Variants in HMGA1 observed in about 807,000 individuals in gnomAD.
HMGA1 encodes the protein high mobility group AT-hook 1, also known as high mobility group protein HMG-I/HMG-Y.
HMGA1 carries 1 observed loss-of-function variant against 15.1 expected under a neutral mutation model. The observed-to-expected ratio is 0.07, with a 90% CI of 0.02 to 0.31. HMGA1 has a LOEUF of 0.31. HMGA1 is among the 10% of genes least tolerant of loss of function. The pLI, the probability that HMGA1 is intolerant of heterozygous loss-of-function variation, is 1.00. For synonymous variants in HMGA1, 56 were observed against 54.8 expected (o/e 1.02, Z -0.10); for missense variants, 94 against 141.4 (o/e 0.66, Z 1.70).
In HMGA1 at chr6:34,240,852, G is replaced by T. The variant is rs1298246075; in HGVS notation, c.72G>T (p.Arg24=). 5 of 1,613,538 alleles carry T rather than the reference G, an allele frequency of 3.1e-6. No homozygotes were observed. The highest frequency in any genetic ancestry group is 4.2e-6 in the Non-Finnish European group (5 of 1,179,872). The change falls in exon 3 of 6, where the codon CGG becomes CGT. Residue 24 remains arginine (R), a synonymous_variant. Transcript: ENST00000311487. The stretch of plus-strand genomic sequence containing the variant: ...AGGAAAAGGACGGCACTGAGAAGCG[G>T]GGCCGGGGCAGGCCGCGCAAGCAGC... ...SKQEKDGTEK[R]GRGRPRKQPP...
rs866916508 is a variant in HMGA1, at chr6:34,243,517, T to G, written c.269T>G (p.Leu90Arg). 1.9e-6 allele frequency: 3 copies of G among 1,613,258 alleles called. No individual in the cohort carries two copies. Among genetic ancestry groups the G allele is most frequent in the Middle Eastern group, 3.3e-4 (2 of 6,060 alleles). The change falls in exon 5 of 6, where the codon CTG becomes CGG. Residue 90 changes from leucine (L) to arginine (R), a missense_variant and splice_region_variant. Coordinates refer to ENST00000311487, the MANE Select transcript of HMGA1 (RefSeq NM_145899.3). ...AAACCAAGGGGCAGACCCAAAAAAC[T>G]GGTAGGTGAAGAAGCAGACTGCTGC... ...GRKPRGRPKK[L>R]EKEEEEGISQ...
In HMGA1 at chr6:34,245,805, C is replaced by G. The variant is rs1485373965; in HGVS notation, c.*921C>G. Reference sequence around the variant, plus strand: ...CAACCCCCCTCCTGCTCCTCCCTGCCCCCCAAGGTTCTGGTTCCATTTTTC... The same window carrying G: ...CAACCCCCCTCCTGCTCCTCCCTGCGCCCCAAGGTTCTGGTTCCATTTTTC... On this transcript the variant is annotated 3_prime_UTR_variant, in exon 6 of 6. Transcript: ENST00000311487. 2.4e-6 allele frequency: 1 copy of G among 417,326 alleles called. No homozygotes were observed. The highest frequency in any genetic ancestry group is 4.6e-6 in the Non-Finnish European group (1 of 216,076). The allele number at this position is 417,326 out of a possible 1,614,324, so 25.9% of individuals were successfully genotyped here. A position where few individuals can be genotyped will look rare whatever the true frequency, so the allele number is the denominator to read the frequency against.
rs1185929641 is a variant in HMGA1, at chr6:34,245,803, G to GC, written c.*925dup. On this transcript the variant is annotated 3_prime_UTR_variant, in exon 6 of 6. Coordinates refer to ENST00000311487, the MANE Select transcript of HMGA1 (RefSeq NM_145899.3). ...CCCAACCCCCCTCCTGCTCCTCCCT[G>GC]CCCCCCAAGGTTCTGGTTCCATTTT... 2 of 412,106 alleles carry GC rather than the reference G, an allele frequency of 4.9e-6. No individual in the cohort carries two copies. Among genetic ancestry groups the GC allele is most frequent in the Non-Finnish European group, 9.3e-6 (2 of 214,388 alleles). The allele number at this position is 412,106 out of a possible 1,614,324, so 25.5% of individuals were successfully genotyped here.
intron 2 of HMGA1, among the ~76,000 whole-genome samples, chr6:34,237,702 A>AGCCCGAGCCCGG (rs1554142057): frequency 4.1e-5 from 6 of 147,388 alleles, no homozygotes; most frequent in East Asian, 2.1e-4. Context: ...CCCGAGCCCG[A>AGCCCGAGCCCGG]GCCCGGGCCC....
intron 2 of HMGA1, among the ~76,000 whole-genome samples, chr6:34,239,697 T>A (rs76863928): frequency 6.6e-6 from 1 of 151,842 alleles, no homozygotes; most frequent in Non-Finnish European, 1.5e-5. Context: ...AGGACTAGGA[T>A]GAAGATGTGG....
rs1358980143 is a variant in HMGA1 at position 34,240,524 on chromosome 6, GAGAT to G, written c.-44-207_-44-204del. 24 of 495,304 alleles carry G rather than the reference GAGAT, an allele frequency of 4.8e-5. No homozygotes were observed. The Admixed American group carries it at 5.2e-4, about 11-fold the overall frequency. 30.7% of individuals were successfully genotyped at this position (495,304 alleles called of 1,614,324 possible). A position where few individuals can be genotyped will look rare whatever the true frequency, so the allele number is the denominator to read the frequency against. On this transcript the variant is annotated intron_variant, in intron 2 of 5. Transcript: ENST00000311487. ...GACAACAAAGAGCCCTTCTGAACAG[GAGAT>G]AGATAAGAAGCTGATTAGGGCCAAC...
intron 5 of HMGA1, among the ~76,000 whole-genome samples, chr6:34,243,921 G>A (rs947399597): frequency 6.6e-6 from 1 of 152,138 alleles, no homozygotes; most frequent in Non-Finnish European, 1.5e-5. Flanking sequence ...AAACAGCGAA[G>A]GAGCTGGGCC....
intron 2 of HMGA1, among the ~76,000 whole-genome samples, chr6:34,239,477 G>C (rs1762119017): frequency 6.6e-6 from 1 of 152,052 alleles, no homozygotes; most frequent in African/African-American, 2.4e-5. Flanking sequence ...ATTATTTTAA[G>C]TTTTTCTAAA....
chr6:34,237,806 G>A (rs1761926866), intron 2 of HMGA1, among the ~76,000 whole-genome samples: 2 of 151,754 alleles, frequency 1.3e-5, no homozygotes, highest in African/African-American at 2.4e-5. Context: ...GGAAGTGAGG[G>A]AGATGGGGAG....
chr6:34,240,622 C>A, intron 2 of HMGA1, 115 bp from the exon 3 acceptor site: 1 of 849,402 alleles, frequency 1.2e-6, no homozygotes, highest in Non-Finnish European at 1.9e-6. Flanking sequence ...AGTAGGAGGC[C>A]TGGGGGCCCA....
Position 34,245,587 on chromosome 6 carries a change from G to A in HMGA1, c.*703G>A, listed in dbSNP as rs145849177. 3,167 of 1,380,812 alleles carry A rather than the reference G, an allele frequency of 2.3e-3. 132 individuals are homozygous for A. In the East Asian group the frequency reaches 0.097, roughly 42 times the overall value. 85.5% of individuals were successfully genotyped at this position (1,380,812 alleles called of 1,614,324 possible). ...TGTGGCCACAGCCCCCTTGCCCTCC[G>A]CCTGGGATCTGAGTACATATTGTGG... On this transcript the variant is annotated 3_prime_UTR_variant, in exon 6 of 6. Transcript: ENST00000311487.
intron 3 of HMGA1, 91 bp downstream of exon 3, chr6:34,241,006 A>G: frequency 1.7e-5 from 25 of 1,444,616 alleles, no homozygotes; most frequent in East Asian, 6.9e-5. Flanking sequence ...CCATGCATGG[A>G]GGGTGCAGAA....
At position 34,242,693 on chromosome 6, in the gene HMGA1, AC is replaced by A; in HGVS notation, c.136-14del. 3 of 1,537,496 alleles carry A rather than the reference AC, an allele frequency of 2.0e-6. No individual in the cohort carries two copies. The highest frequency in any genetic ancestry group is 2.7e-6 in the Non-Finnish European group (3 of 1,130,186). Reference sequence around the variant, plus strand: ...AAACAGGTGATGACTGTCCCTGACTACCCCCTCTGTCTTTACAGAAGGAGCC... The same window carrying A: ...AAACAGGTGATGACTGTCCCTGACTACCCCTCTGTCTTTACAGAAGGAGCC... On this transcript the variant is annotated intron_variant, in intron 3 of 5. Transcript: ENST00000311487.
At chr6:34,238,843 A>C (rs557343457) in intron 2 of HMGA1, 1 of 152,342 alleles carries the variant, frequency 6.6e-6, no homozygotes, top group South Asian at 2.1e-4. Context: ...GAGAGCTTCC[A>C]GGGAGACCCG....
intron 2 of HMGA1, among the ~76,000 whole-genome samples, chr6:34,240,412 G>C (rs1298017710): frequency 1.3e-5 from 2 of 152,158 alleles, no homozygotes; most frequent in East Asian, 3.9e-4. Flanking sequence ...TTGTCCCAGG[G>C]TGGCCTCACC....
At position 34,240,767 on chromosome 6, in the gene HMGA1, T is replaced by G. The variant is rs1561872359; in HGVS notation, c.-14T>G. 1.2e-6 allele frequency: 2 copies of G among 1,612,134 alleles called. No homozygotes were observed. The highest frequency in any genetic ancestry group is 1.7e-6 in the Non-Finnish European group (2 of 1,179,810). ...CAGCCATCACTCTTCCACCTGCTCCTTAGAGAAGGGAAGATGAGTGAGTCG... is the reference window on the plus strand; with the variant it reads ...CAGCCATCACTCTTCCACCTGCTCCGTAGAGAAGGGAAGATGAGTGAGTCG... On this transcript the variant is annotated 5_prime_UTR_variant, in exon 3 of 6. Transcript: ENST00000311487.
At chr6:34,237,617 G>A (rs1761890115) in intron 2 of HMGA1, among the ~76,000 whole-genome samples, 1 of 147,942 alleles carries the variant, frequency 6.8e-6, no homozygotes, top group South Asian at 2.1e-4. Flanking sequence ...TGCGGCGAGC[G>A]CGAGTTGTGC....
At chr6:34,242,592 G>T in intron 3 of HMGA1, 120 bp from the exon 4 acceptor site, 1 of 732,454 alleles carries the variant, frequency 1.4e-6, no homozygotes, top group Non-Finnish European at 2.4e-6. Context: ...CTAGGTCAGG[G>T]ATGGTTTGTG....
At chr6:34,237,576 A>C (rs1761885092) in intron 2 of HMGA1, among the ~76,000 whole-genome samples, 2 of 144,154 alleles carry the variant, frequency 1.4e-5, no homozygotes, top group African/African-American at 2.5e-5. Flanking sequence ...GGACCCGGGA[A>C]AGGCGCGCGG....
Sources: allele counts gnomAD v4.1 joint callset (sites outside exome capture counted in the v4.1 genomes callset), GRCh38; gene constraint gnomAD v4.1.1; transcripts MANE v1.5; gene names NCBI Gene and HGNC (gene_info 2026-07-23, HGNC 2026-07-21).